The following CHN1 variants were observed in gnomAD, a reference collection of about 807,000 sequenced individuals.
CHN1 encodes the protein chimerin 1, also known as N-chimaerin.
Under a neutral mutation model 59.5 loss-of-function variants are expected in CHN1, and 37 were observed. That is an observed-to-expected ratio of 0.62 (90% CI 0.48 to 0.82). The LOEUF is 0.82. Ranked by LOEUF, CHN1 falls within the 40% of genes least tolerant of loss-of-function variation. The pLI, the probability that CHN1 is intolerant of heterozygous loss-of-function variation, is 0.00. For missense variants in CHN1, 469 were observed against 571.0 expected (o/e 0.82, Z 1.82); for synonymous variants, 206 against 200.4 (o/e 1.03, Z -0.24).
intron 5 of CHN1, among the ~76,000 whole-genome samples, chr2:174,880,142 G>A (rs1574120404): frequency 3.3e-5 from 5 of 152,136 alleles, no homozygotes. Flanking sequence ...TGCTCCGCCT[G>A]TACTTCAGCT....
chr2:174,818,757 T>C (rs947328327), intron 8 of CHN1, among the ~76,000 whole-genome samples: 5 of 152,186 alleles, frequency 3.3e-5, no homozygotes, highest in African/African-American at 1.2e-4. Flanking sequence ...ACTTTCTTAA[T>C]AAAATATTTC....
chr2:174,949,946 G>GT (rs1558994278), intron 2 of CHN1, among the ~76,000 whole-genome samples: 1 of 152,024 alleles, frequency 6.6e-6, no homozygotes, highest in East Asian at 1.9e-4. Context: ...ATAAAACTCC[G>GT]TAACAGAACT....
At chr2:174,874,581 C>T (rs971096860) in intron 6 of CHN1, among the ~76,000 whole-genome samples, 6 of 152,082 alleles carry the variant, frequency 3.9e-5, no homozygotes, top group Admixed American at 2.6e-4. Context: ...AAGCCTTTCC[C>T]GAAAGCTCAG....
chr2:174,972,461 G>A (rs1371997209), intron 1 of CHN1, among the ~76,000 whole-genome samples: 1 of 152,148 alleles, frequency 6.6e-6, no homozygotes, highest in Non-Finnish European at 1.5e-5. Flanking sequence ...TATGCAGACA[G>A]ACTTTCTAAA....
intron 5 of CHN1, among the ~76,000 whole-genome samples, chr2:174,880,249 G>A (rs1358340028): frequency 6.6e-6 from 1 of 151,722 alleles, no homozygotes; most frequent in Non-Finnish European, 1.5e-5. Flanking sequence ...TGCTTCAAAG[G>A]GTAAAAATAA....
At chr2:174,892,725 A>G (rs1474145551) in intron 5 of CHN1, among the ~76,000 whole-genome samples, 6 of 152,338 alleles carry the variant, frequency 3.9e-5, no homozygotes, top group African/African-American at 1.4e-4. Flanking sequence ...AACCTAGTGA[A>G]CCAAATTAAA....
chr2:174,956,160 A>G (rs1690197353), intron 1 of CHN1, among the ~76,000 whole-genome samples: 2 of 152,226 alleles, frequency 1.3e-5, no homozygotes, highest in Admixed American at 6.5e-5. Flanking sequence ...CTCACTAGAA[A>G]CCATAAAAGC....
intron 1 of CHN1, among the ~76,000 whole-genome samples, chr2:174,968,519 T>A (rs1690659965): frequency 1.3e-5 from 2 of 152,268 alleles, no homozygotes; most frequent in African/African-American, 2.4e-5. Context: ...TAATTAACTA[T>A]GCTTTTATGG....
intron 2 of CHN1, among the ~76,000 whole-genome samples, chr2:174,946,006 C>G (rs915399379): frequency 9.2e-5 from 14 of 151,988 alleles, no homozygotes; most frequent in African/African-American, 3.1e-4. Flanking sequence ...CACACACATA[C>G]ACGTAACTGT....
chr2:174,799,390 C>A lies in CHN1; in HGVS notation c.*726G>T. 1 of 427,382 alleles carries A rather than the reference C, an allele frequency of 2.3e-6. No homozygotes were observed. The highest frequency in any genetic ancestry group is 1.9e-5 in the South Asian group (1 of 52,066). 26.5% of individuals were successfully genotyped at this position (427,382 alleles called of 1,614,324 possible). On this transcript the variant is annotated 3_prime_UTR_variant, in exon 13 of 13. Coordinates refer to ENST00000409900, the MANE Select transcript of CHN1 (RefSeq NM_001822.7). ...TTCTTATGAGAAAAAAGTAAGCTAT[C>A]AATATTTTTTATTTCTAAAAGCCAA...
chr2:174,918,625 T>C (rs1688917706), intron 3 of CHN1, 60 bp from the exon 4 acceptor site: 12 of 1,372,190 alleles, frequency 8.7e-6, no homozygotes, highest in Non-Finnish European at 1.2e-5. Context: ...AGAACATAAC[T>C]CAACATTTTG....
chr2:174,810,576 C>A (rs1261413815), intron 10 of CHN1, among the ~76,000 whole-genome samples: 2 of 152,176 alleles, frequency 1.3e-5, no homozygotes, highest in Admixed American at 6.5e-5. Flanking sequence ...GATGCTTCTT[C>A]CCATTCAATC....
chr2:175,005,275 C>T lies in CHN1; in HGVS notation c.-363G>A, dbSNP rs1179501591. On this transcript the variant is annotated 5_prime_UTR_variant, in exon 1 of 13. Transcript: ENST00000409900. ...GGCGGCGCCGCACTGGCGGCGGCGG[C>T]GGCGGCGACGGGGAGAGCAGCAGCA... 6.9e-6 allele frequency: 8 copies of T among 1,163,986 alleles called. No individual in the cohort carries two copies. The highest frequency in any genetic ancestry group is 4.8e-5 in the Admixed American group (1 of 20,780). The allele number at this position is 1,163,986 out of a possible 1,614,324, so 72.1% of individuals were successfully genotyped here.
At position 174,891,014 on chromosome 2, in the gene CHN1, G is replaced by A. The variant is rs184515648; in HGVS notation, c.261-12886C>T. Among the ~76,000 whole-genome samples the A allele has an allele frequency of 6.6e-4, 100 of 150,826 alleles. 1 individual carries two copies. In the South Asian group the frequency reaches 0.013, roughly 19 times the overall value. Reference sequence around the variant, plus strand: ...AAATTAGCCGGGTGTGGTAGTGGGCGCCTGTGGTCCCAGCTACTTGGGAGG... The same window carrying A: ...AAATTAGCCGGGTGTGGTAGTGGGCACCTGTGGTCCCAGCTACTTGGGAGG... On this transcript the variant is annotated intron_variant, in intron 5 of 12. Coordinates refer to ENST00000409900, the MANE Select transcript of CHN1 (RefSeq NM_001822.7).
At chr2:174,921,224 G>A (rs1284793409) in intron 3 of CHN1, among the ~76,000 whole-genome samples, 1 of 152,194 alleles carries the variant, frequency 6.6e-6, no homozygotes, top group Non-Finnish European at 1.5e-5. Flanking sequence ...TACCCTACTG[G>A]CTTATCAGAT....
chr2:174,845,630 GTTAT>G (rs1293743790), intron 7 of CHN1, among the ~76,000 whole-genome samples: 1 of 152,098 alleles, frequency 6.6e-6, no homozygotes, highest in East Asian at 1.9e-4. Flanking sequence ...AGAAGAAAAC[GTTAT>G]TTAGTTTATT....
chr2:174,846,213 T>C, intron 7 of CHN1: 4 of 1,423,104 alleles, frequency 2.8e-6, no homozygotes, highest in Non-Finnish European at 2.8e-6. Flanking sequence ...AGACTAGATC[T>C]ACATACAGCT....
chr2:174,898,118 T>G (rs925306312), intron 5 of CHN1, among the ~76,000 whole-genome samples: 2 of 152,070 alleles, frequency 1.3e-5, no homozygotes, highest in South Asian at 2.1e-4. Context: ...GCCGTCTCAT[T>G]AGCTGGAATG....
At chr2:174,951,167 C>G (rs547466739) in intron 2 of CHN1, among the ~76,000 whole-genome samples, 1 of 152,126 alleles carries the variant, frequency 6.6e-6, no homozygotes. Context: ...TTTACACATT[C>G]GTATAACTAT....
Sources: allele counts gnomAD v4.1 joint callset (sites outside exome capture counted in the v4.1 genomes callset), GRCh38; gene constraint gnomAD v4.1.1; transcripts MANE v1.5; gene names NCBI Gene and HGNC (gene_info 2026-07-23, HGNC 2026-07-21).